Variants in SEMA6A observed in about 807,000 individuals in gnomAD.
The protein encoded by SEMA6A is semaphorin 6A, also known as semaphorin-6A.
In SEMA6A, 25 loss-of-function variants were observed where a neutral mutation model predicts 96.8. That is an observed-to-expected ratio of 0.26 (90% CI 0.19 to 0.36). The LOEUF (loss-of-function observed/expected upper bound fraction) is 0.36, where lower values mean the gene tolerates loss of function less well. SEMA6A is among the 10% of genes least tolerant of loss of function. The pLI, the probability that SEMA6A is intolerant of heterozygous loss-of-function variation, is 1.00. For missense variants in SEMA6A, 1,363 were observed against 1,323.1 expected (o/e 1.03, Z -0.47); for synonymous variants, 612 against 518.0 (o/e 1.18, Z -2.46).
intron 1 of SEMA6A, among the ~76,000 whole-genome samples, chr5:116,547,286 A>C (rs1471876184): frequency 6.6e-6 from 1 of 152,194 alleles, no homozygotes; most frequent in Non-Finnish European, 1.5e-5. Context: ...TTTTATGGAA[A>C]TCTTTGCTTT....
intron 1 of SEMA6A, among the ~76,000 whole-genome samples, chr5:116,558,020 G>A (rs60190258): frequency 0.036 from 5,466 of 152,122 alleles, 339 homozygotes; most frequent in African/African-American, 0.13. Context: ...AAATCAAATC[G>A]TTCCTTAATG....
intron 1 of SEMA6A, among the ~76,000 whole-genome samples, chr5:116,550,969 G>T (rs1760378719): frequency 6.6e-6 from 1 of 152,104 alleles, no homozygotes; most frequent in Non-Finnish European, 1.5e-5. Context: ...ATCTAACATT[G>T]TCAGAAGAGG....
chr5:116,505,900 A>G (rs1009818580), intron 1 of SEMA6A, among the ~76,000 whole-genome samples: 13 of 151,810 alleles, frequency 8.6e-5, no homozygotes, highest in Non-Finnish European at 1.6e-4. Context: ...AAGACTCATA[A>G]TACAGTAAAT....
chr5:116,530,414 A>G (rs1217026509), intron 1 of SEMA6A, among the ~76,000 whole-genome samples: 1 of 152,108 alleles, frequency 6.6e-6, no homozygotes. Flanking sequence ...TGCAGCTGAA[A>G]AGATAAATGT....
chr5:116,493,565 T>C (rs996425205), intron 6 of SEMA6A, among the ~76,000 whole-genome samples: 5 of 152,182 alleles, frequency 3.3e-5, no homozygotes, highest in African/African-American at 4.8e-5. Flanking sequence ...CCCTTCTATT[T>C]TGTGCCTGAG....
intron 10 of SEMA6A, among the ~76,000 whole-genome samples, chr5:116,485,546 G>C (rs1243600708): frequency 6.6e-6 from 1 of 152,138 alleles, no homozygotes; most frequent in Non-Finnish European, 1.5e-5. Context: ...ATTATTTTCA[G>C]TGGGGAGCTT....
chr5:116,515,640 T>C (rs1336214192), intron 1 of SEMA6A, among the ~76,000 whole-genome samples: 3 of 152,154 alleles, frequency 2.0e-5, no homozygotes, highest in Non-Finnish European at 4.4e-5. Context: ...AATAAAGCAA[T>C]TGCTGAACTT....
chr5:116,562,223 A>G (rs1014186647), intron 1 of SEMA6A, among the ~76,000 whole-genome samples: 3 of 152,216 alleles, frequency 2.0e-5, no homozygotes, highest in Non-Finnish European at 4.4e-5. Flanking sequence ...GTAATTTCTC[A>G]TTAAGGTGCC....
At chr5:116,546,650 A>AACT (rs1760200617) in intron 1 of SEMA6A, among the ~76,000 whole-genome samples, 1 of 152,196 alleles carries the variant, frequency 6.6e-6, no homozygotes, top group African/African-American at 2.4e-5. Context: ...AGCTGACTGT[A>AACT]GGGATGTAAC....
intron 15 of SEMA6A, among the ~76,000 whole-genome samples, 170 bp from the exon 16 acceptor site, chr5:116,475,773 G>A (rs541609969): frequency 1.6e-4 from 24 of 152,258 alleles, no homozygotes; most frequent in African/African-American, 4.8e-4. Context: ...TTATAGAAAC[G>A]AGTCTTAGGT....
At chr5:116,540,145 A>G (rs942937955) in intron 1 of SEMA6A, among the ~76,000 whole-genome samples, 2 of 152,200 alleles carry the variant, frequency 1.3e-5, no homozygotes, top group Non-Finnish European at 2.9e-5. Flanking sequence ...ATTTTTTCCA[A>G]AAAATGTGAT....
At chr5:116,521,671 G>A (rs1758954158) in intron 1 of SEMA6A, among the ~76,000 whole-genome samples, 2 of 151,484 alleles carry the variant, frequency 1.3e-5, no homozygotes, top group Admixed American at 1.3e-4. Flanking sequence ...TCTGGGGAAG[G>A]TATGAGAGAG....
chr5:116,495,222 A>G (rs1419890884), intron 6 of SEMA6A, among the ~76,000 whole-genome samples, 191 bp downstream of exon 6: 1 of 152,230 alleles, frequency 6.6e-6, no homozygotes, highest in African/African-American at 2.4e-5. Flanking sequence ...AGATGTGTCA[A>G]TCAATCCTGA....
intron 16 of SEMA6A, among the ~76,000 whole-genome samples, chr5:116,474,278 G>GCGCACACA (rs1554083459): frequency 1.4e-5 from 2 of 147,300 alleles, no homozygotes; most frequent in East Asian, 2.0e-4. Context: ...GTGCACGCAT[G>GCGCACACA]CACACACACA....
chr5:116,518,977 T>C (rs1758798081), intron 1 of SEMA6A, among the ~76,000 whole-genome samples: 1 of 151,878 alleles, frequency 6.6e-6, no homozygotes, highest in Non-Finnish European at 1.5e-5. Flanking sequence ...TGGGTTAACA[T>C]AGTCTTTATC....
chr5:116,513,047 C>T (rs1335913115), intron 1 of SEMA6A, among the ~76,000 whole-genome samples: 3 of 151,792 alleles, frequency 2.0e-5, no homozygotes, highest in Non-Finnish European at 4.4e-5. Flanking sequence ...TTACGGGGTA[C>T]ATGAGATGTT....
At position 116,484,725 on chromosome 5, in the gene SEMA6A, A is replaced by G. The variant is rs150542364; in HGVS notation, c.962+2024T>C. On this transcript the variant is annotated intron_variant, in intron 10 of 18. Transcript: ENST00000343348. ...ATGAAAGAAGTATGCACAAGGTCCC[A>G]TAGGAGGTGACTAGCTGACATTTGA... is the stretch of plus-strand genomic sequence containing the variant. Among the ~76,000 whole-genome samples, 27 of 152,354 alleles carry G rather than the reference A, an allele frequency of 1.8e-4. No homozygotes were observed. The East Asian group carries it at 5.2e-3, about 29-fold the overall frequency.
In SEMA6A at chr5:116,457,385, G is replaced by A. The variant is rs1755080375; in HGVS notation, c.1895-9574C>T. On this transcript the variant is annotated intron_variant, in intron 18 of 18. Coordinates refer to ENST00000343348, the MANE Select transcript of SEMA6A (RefSeq NM_020796.5). ...TTTCCTTTCTAATAAAGCATTGTCA[G>A]TGGTTGACTATACCGAACTTCCATT... Among the ~76,000 whole-genome samples, 3 of 152,238 alleles carry A rather than the reference G, an allele frequency of 2.0e-5. No individual in the cohort carries two copies. The South Asian group carries it at 6.2e-4, about 32-fold the overall frequency.
chr5:116,572,221 G>A lies in SEMA6A; in HGVS notation c.-39+1964C>T, dbSNP rs552788107. Among the ~76,000 whole-genome samples the A allele has an allele frequency of 5.3e-5, 8 of 152,338 alleles. No homozygotes were observed. The South Asian group carries it at 1.7e-3, about 32-fold the overall frequency. ...TAAAGAAAGTTGTGCGTACAAGGGC[G>A]AGTGTGTGCGTGTGTGTGTCCATGC... On this transcript the variant is annotated intron_variant, in intron 1 of 18. Transcript: ENST00000343348.
Sources: allele counts gnomAD v4.1 joint callset (sites outside exome capture counted in the v4.1 genomes callset), GRCh38; gene constraint gnomAD v4.1.1; transcripts MANE v1.5; gene names NCBI Gene and HGNC (gene_info 2026-07-23, HGNC 2026-07-21).